The following ACOXL variants were observed in gnomAD, a reference collection of about 807,000 sequenced individuals.
The protein encoded by ACOXL is acyl-CoA oxidase like.
In ACOXL, 70 loss-of-function variants were observed where a neutral mutation model predicts 71.9. The ratio of observed to expected loss-of-function variants is 0.97; its 90% CI spans 0.80 to 1.19. The LOEUF is 1.19. ACOXL is among the 50% of genes most tolerant of loss of function. The pLI is 0.00. For synonymous variants in ACOXL, 253 were observed against 281.6 expected (o/e 0.90, Z 1.02); for missense variants, 703 against 736.3 (o/e 0.95, Z 0.52).
chr2:111,054,295 C>T (rs761048637), intron 16 of ACOXL, among the ~76,000 whole-genome samples: 6 of 152,198 alleles, frequency 3.9e-5, no homozygotes, highest in Non-Finnish European at 7.3e-5. Context: ...CTGTCACGCA[C>T]CAGCAGCAAC....
intron 9 of ACOXL, among the ~76,000 whole-genome samples, chr2:110,837,858 T>TAGG (rs1280984968): frequency 6.6e-6 from 1 of 152,230 alleles, no homozygotes; most frequent in Admixed American, 6.5e-5. Flanking sequence ...ATGTCCTCAG[T>TAGG]AGGGGGTGTT....
chr2:110,804,474 T>TA (rs1686385113), intron 8 of ACOXL, among the ~76,000 whole-genome samples: 1 of 152,184 alleles, frequency 6.6e-6, no homozygotes, highest in Non-Finnish European at 1.5e-5. Flanking sequence ...TAGGTATGTG[T>TA]GAAAACGTTG....
chr2:110,957,719 AC>A (rs1457409025), intron 12 of ACOXL, among the ~76,000 whole-genome samples: 23 of 152,192 alleles, frequency 1.5e-4, no homozygotes, highest in African/African-American at 5.3e-4. Flanking sequence ...GTTTTGAAAT[AC>A]AGCCACATTC....
chr2:111,030,777 T>C (rs2065230285), intron 14 of ACOXL, among the ~76,000 whole-genome samples: 1 of 152,156 alleles, frequency 6.6e-6, no homozygotes, highest in Non-Finnish European at 1.5e-5. Context: ...CATGTGGTTT[T>C]CGAAACAAAG....
At chr2:110,780,844 G>T (rs1042553185) in intron 2 of ACOXL, among the ~76,000 whole-genome samples, 5 of 151,718 alleles carry the variant, frequency 3.3e-5, no homozygotes. Context: ...GACCATCCTG[G>T]GCAACATGGT....
At chr2:110,755,004 T>C (rs1402452495) in intron 1 of ACOXL, among the ~76,000 whole-genome samples, 1 of 152,198 alleles carries the variant, frequency 6.6e-6, no homozygotes, top group Non-Finnish European at 1.5e-5. Flanking sequence ...GCATTTGTTT[T>C]GCCACCTTGC....
At chr2:110,910,092 A>C (rs575026777) in intron 11 of ACOXL, among the ~76,000 whole-genome samples, 1 of 152,298 alleles carries the variant, frequency 6.6e-6, no homozygotes, top group Non-Finnish European at 1.5e-5. Context: ...AACCAAATAC[A>C]AAACATTTCC....
chr2:110,813,614 A>T (rs932164364), intron 9 of ACOXL, among the ~76,000 whole-genome samples: 3 of 152,096 alleles, frequency 2.0e-5, no homozygotes, highest in Non-Finnish European at 4.4e-5. Context: ...TGTCCCTAGG[A>T]GCTTTTCCAC....
intron 2 of ACOXL, among the ~76,000 whole-genome samples, chr2:110,776,513 A>G (rs1324483334): frequency 1.3e-5 from 2 of 152,148 alleles, no homozygotes; most frequent in African/African-American, 4.8e-5. Flanking sequence ...ATGAGGTGAC[A>G]TTGGAGCAGA....
At chr2:110,763,800 A>G (rs1267910503) in intron 1 of ACOXL, among the ~76,000 whole-genome samples, 8 of 152,328 alleles carry the variant, frequency 5.3e-5, no homozygotes, top group Non-Finnish European at 1.2e-4. Flanking sequence ...CACGTCTAAT[A>G]TAAGACTGTT....
intron 10 of ACOXL, among the ~76,000 whole-genome samples, chr2:110,879,715 G>GT (rs1696381209): frequency 1.3e-5 from 2 of 152,158 alleles, no homozygotes; most frequent in Admixed American, 6.5e-5. Context: ...CACTTAGGGC[G>GT]TTTTTTTGCT....
At chr2:111,099,512 C>G (rs1401487290) in intron 17 of ACOXL, 1 of 152,228 alleles carries the variant, frequency 6.6e-6, no homozygotes, top group Non-Finnish European at 1.5e-5. Context: ...CTAGTGTCTC[C>G]CTAGCTGGGG....
At chr2:110,791,177 C>T (rs926122846) in intron 3 of ACOXL, among the ~76,000 whole-genome samples, 6 of 152,218 alleles carry the variant, frequency 3.9e-5, no homozygotes, top group African/African-American at 1.4e-4. Flanking sequence ...GGAAATGAAC[C>T]CCACACTTTA....
chr2:110,755,886 T>C (rs1296588864), intron 1 of ACOXL, among the ~76,000 whole-genome samples: 1 of 152,118 alleles, frequency 6.6e-6, no homozygotes, highest in Non-Finnish European at 1.5e-5. Context: ...TGTTAGTTTC[T>C]AGTGTGTCCT....
chr2:110,925,168 A>G (rs1463478278), intron 11 of ACOXL, among the ~76,000 whole-genome samples: 1 of 152,262 alleles, frequency 6.6e-6, no homozygotes, highest in East Asian at 1.9e-4. Flanking sequence ...TCATTTCTAG[A>G]GCACAGGCAG....
Position 110,818,519 on chromosome 2 carries a change from G to GTGTATATATATA in ACOXL, c.753+13127_753+13128insATATATATATGT, listed in dbSNP as rs1559303412. Among the ~76,000 whole-genome samples the GTGTATATATATA allele has an allele frequency of 4.4e-4, 3 of 6,870 alleles. No homozygotes were observed. The Non-Finnish European group carries it at 0.014, about 31-fold the overall frequency. The allele number at this position is 6,870 out of a possible 152,430, so 4.5% of individuals were successfully genotyped here. On this transcript the variant is annotated intron_variant, in intron 9 of 17. Transcript: ENST00000439055. ...TGTATGTGTATATATATATGTGTAT[G>GTGTATATATATA]TGTGTATATATATATGTGTATAAGT... is the stretch of plus-strand genomic sequence containing the variant.
At chr2:111,108,371 C>CTTTTTTTTTT (rs1225889982) in intron 17 of ACOXL, among the ~76,000 whole-genome samples, 754 of 71,050 alleles carry the variant, frequency 0.011, 147 homozygotes, top group Non-Finnish European at 0.014. Flanking sequence ...GTGCATGAAT[C>CTTTTTTTTTT]TTTTTTTTTT....
intron 10 of ACOXL, among the ~76,000 whole-genome samples, chr2:110,908,250 G>A (rs1180160596): frequency 2.0e-5 from 3 of 152,206 alleles, no homozygotes; most frequent in Non-Finnish European, 1.5e-5. Flanking sequence ...GATGCTGTCT[G>A]CAGGGCACAG....
intron 2 of ACOXL, among the ~76,000 whole-genome samples, chr2:110,780,598 T>G (rs1272600374): frequency 1.3e-5 from 2 of 152,200 alleles, no homozygotes; most frequent in Non-Finnish European, 2.9e-5. Context: ...ATGGAAACCA[T>G]TCTAATAATG....
Sources: allele counts gnomAD v4.1 joint callset (sites outside exome capture counted in the v4.1 genomes callset), GRCh38; gene constraint gnomAD v4.1.1; transcripts MANE v1.5; gene names NCBI Gene and HGNC (gene_info 2026-07-23, HGNC 2026-07-21).